Variants in ZRANB1 observed in about 807,000 individuals in gnomAD.
The protein encoded by ZRANB1 is ubiquitin thioesterase ZRANB1.
A neutral mutation model predicts 80.5 loss-of-function variants in ZRANB1; 16 were observed. The observed-to-expected ratio is 0.20, with a 90% CI of 0.13 to 0.30. ZRANB1 has a LOEUF of 0.30. Ranked by LOEUF, ZRANB1 falls within the 10% of genes least tolerant of loss-of-function variation. The pLI, the probability that ZRANB1 is intolerant of heterozygous loss-of-function variation, is 1.00. For missense variants in ZRANB1, 576 were observed against 862.6 expected, an observed-to-expected ratio of 0.67 and a Z score of 4.16; for synonymous variants, 291 against 293.1, an observed-to-expected ratio of 0.99 and a Z score of 0.07.
At chr10:124,963,537 GTTTTTTTTTTTTGTTTGTTTTTTT>G (rs1436710667) in intron 1 of ZRANB1, among the ~76,000 whole-genome samples, 2 of 93,476 alleles carry the variant, frequency 2.1e-5, no homozygotes, top group Non-Finnish European at 4.7e-5. Flanking sequence ...ATATTGTAAG[GTTTTTTTTTTTTGTTTGTTTTTTT>G]TTTTTTTTTT....
At chr10:124,967,433 G>T (rs553998317) in intron 2 of ZRANB1, among the ~76,000 whole-genome samples, 1 of 152,290 alleles carries the variant, frequency 6.6e-6, no homozygotes, top group East Asian at 1.9e-4. Context: ...TGGTGATTGG[G>T]AATGGAGAGA....
chr10:124,966,495 A>G (rs1951777546), intron 1 of ZRANB1, 99 bp from the exon 2 acceptor site: 1 of 1,175,722 alleles, frequency 8.5e-7, no homozygotes, highest in Non-Finnish European at 1.2e-6. Flanking sequence ...TCCAGGAAGC[A>G]CAGAGAAACA....
chr10:124,979,429 A>G (rs1951912738), intron 5 of ZRANB1, among the ~76,000 whole-genome samples: 1 of 152,108 alleles, frequency 6.6e-6, no homozygotes, highest in African/African-American at 2.4e-5. Flanking sequence ...CCCTTATTGG[A>G]TATCTGCTTT....
intron 2 of ZRANB1, among the ~76,000 whole-genome samples, chr10:124,971,075 C>T (rs1342255714): frequency 3.3e-5 from 5 of 152,086 alleles, no homozygotes; most frequent in Admixed American, 6.6e-5. Flanking sequence ...CCACCCGCCT[C>T]GGCCTCCCAG....
At chr10:124,950,491 A>G (rs1237029794) in intron 1 of ZRANB1, among the ~76,000 whole-genome samples, 2 of 152,192 alleles carry the variant, frequency 1.3e-5, no homozygotes, top group Non-Finnish European at 2.9e-5. Flanking sequence ...CTGCAAAAAT[A>G]TTGTTATATT....
intron 5 of ZRANB1, among the ~76,000 whole-genome samples, chr10:124,977,204 C>T (rs1342888055): frequency 6.6e-6 from 1 of 151,532 alleles, no homozygotes; most frequent in Non-Finnish European, 1.5e-5. Flanking sequence ...AACTCCCGGA[C>T]TCGAGTGTTT....
chr10:124,967,341 AG>A (rs1951784978), intron 2 of ZRANB1, among the ~76,000 whole-genome samples: 1 of 152,156 alleles, frequency 6.6e-6, no homozygotes, highest in African/African-American at 2.4e-5. Flanking sequence ...AGGGAAGTTG[AG>A]GAAAGCATTT....
chr10:124,978,793 ATTTTT>A (rs35714295), intron 5 of ZRANB1, among the ~76,000 whole-genome samples: 1 of 115,432 alleles, frequency 8.7e-6, no homozygotes, highest in Non-Finnish European at 1.8e-5. Flanking sequence ...TTCCCAGCTA[ATTTTT>A]TTTTTTTTTT....
chr10:124,954,771 T>A (rs1589844551), intron 1 of ZRANB1, among the ~76,000 whole-genome samples: 2 of 151,654 alleles, frequency 1.3e-5, no homozygotes, highest in African/African-American at 4.8e-5. Context: ...TACATTGTTT[T>A]ACATATGAAT....
intron 1 of ZRANB1, among the ~76,000 whole-genome samples, chr10:124,954,011 G>C (rs1053520627): frequency 6.6e-6 from 1 of 151,270 alleles, no homozygotes; most frequent in Non-Finnish European, 1.5e-5. Flanking sequence ...TGTTGCCCAG[G>C]CTGGAGTGCA....
intron 1 of ZRANB1, chr10:124,945,875 T>A (rs1951577894): frequency 6.6e-6 from 1 of 152,126 alleles, no homozygotes; most frequent in Non-Finnish European, 1.5e-5. Flanking sequence ...CAGCCTTGAC[T>A]TCCTAAGCTC....
rs192353115 is a variant in ZRANB1 at position 124,968,178 on chromosome 10, T to C, written c.1002+1397T>C. ...CCCCAAAGTGCTGGGATTATAGGCA[T>C]GAGCCACCGTGTCTGGCCAAGGTAA... is the stretch of plus-strand genomic sequence containing the variant. On this transcript the variant is annotated intron_variant, in intron 2 of 8. Coordinates refer to ENST00000359653, the MANE Select transcript of ZRANB1 (RefSeq NM_017580.3). Among the ~76,000 whole-genome samples the C allele has an allele frequency of 1.3e-4, 20 of 152,358 alleles. No individual in the cohort carries two copies. In the East Asian group the frequency reaches 3.5e-3, roughly 26 times the overall value.
In ZRANB1 at chr10:124,985,888, C is replaced by A; in HGVS notation, c.*896C>A. 6.7e-6 allele frequency: 1 copy of A among 148,444 alleles called. No homozygotes were observed. Among genetic ancestry groups the A allele is most frequent in the South Asian group, 2.3e-4 (1 of 4,368 alleles). 9.2% of individuals were successfully genotyped at this position (148,444 alleles called of 1,614,324 possible). On this transcript the variant is annotated 3_prime_UTR_variant, in exon 9 of 9. Coordinates refer to ENST00000359653, the MANE Select transcript of ZRANB1 (RefSeq NM_017580.3). ...CCAGATTGCCATGCCAGAGGGTCTT[C>A]GGATTCTTCCTTCTATCACCTCTGC...
intron 2 of ZRANB1, among the ~76,000 whole-genome samples, chr10:124,971,588 T>A (rs1951826220): frequency 6.6e-6 from 1 of 152,192 alleles, no homozygotes. Context: ...TCAGCTGTGA[T>A]TCTCTGCTTC....
At chr10:124,952,713 T>G (rs1269053638) in intron 1 of ZRANB1, among the ~76,000 whole-genome samples, 1 of 151,976 alleles carries the variant, frequency 6.6e-6, no homozygotes, top group East Asian at 1.9e-4. Flanking sequence ...TGAGTTCAAG[T>G]GATTCTCCTG....
chr10:124,973,680 T>A lies in ZRANB1; in HGVS notation c.1192T>A (p.Leu398Ile). The A allele has an allele frequency of 6.2e-7, 1 of 1,612,928 alleles. No homozygotes were observed. The highest frequency in any genetic ancestry group is 1.1e-5 in the South Asian group (1 of 90,718). ...EDLPPTVQEK[L>I]FDEVLDRDVQ... The stretch of plus-strand genomic sequence containing the variant: ...TTTGCCCCCAACAGTCCAAGAAAAA[T>A]TATTTGATGAGGTGCTTGATAGAGA... The change falls in exon 4 of 9, where the codon TTA becomes ATA. Residue 398 changes from leucine to isoleucine, a missense_variant. Leu to Ile is a conservative substitution (Grantham distance 5). Around this residue, in one of 3 missense-constraint regions of ZRANB1, gnomAD observed 411 missense variants for 583.1 expected, o/e 0.70. Coordinates refer to ENST00000359653, the MANE Select transcript of ZRANB1 (RefSeq NM_017580.3).
intron 1 of ZRANB1, chr10:124,962,450 A>C (rs1951741333): frequency 1.0e-6 from 1 of 960,972 alleles, no homozygotes; most frequent in African/African-American, 1.8e-5. Flanking sequence ...ATTCTTTTCA[A>C]AGTTAATAAC....
intron 8 of ZRANB1, chr10:124,984,325 A>G (rs1951978434): frequency 6.4e-6 from 1 of 156,114 alleles, no homozygotes; most frequent in East Asian, 1.9e-4. Context: ...TATTCTTATA[A>G]AAGTATTGGT....
At chr10:124,918,650 T>G in the ZRANB1 span, among the ~76,000 whole-genome samples, 2 of 152,214 alleles carry the variant, frequency 1.3e-5, no homozygotes, top group African/African-American at 4.8e-5. Flanking sequence ...GGGGAAACCA[T>G]AAGGAATTTT....
Sources: gnomAD v4.1 joint callset for allele counts (sites outside exome capture counted in the v4.1 genomes callset) on GRCh38, gnomAD v4.1.1 for gene constraint, gnomAD v4.1.1 regional missense constraint, MANE v1.5 for transcripts, NCBI Gene and HGNC (gene_info 2026-07-23, HGNC 2026-07-21) for gene names.